Variants in SKAP1 observed in about 807,000 individuals in gnomAD.
The protein encoded by SKAP1 is src kinase associated phosphoprotein 1, also known as src kinase-associated phosphoprotein 1.
A neutral mutation model predicts 58.5 loss-of-function variants in SKAP1; 44 were observed. The ratio of observed to expected loss-of-function variants is 0.75; its 90% CI spans 0.59 to 0.97. The LOEUF (loss-of-function observed/expected upper bound fraction) is 0.97. SKAP1 is among the 50% of genes least tolerant of loss of function. The pLI, the probability that SKAP1 is intolerant of heterozygous loss-of-function variation, is 0.00. For synonymous variants in SKAP1, 127 were observed against 149.7 expected (o/e 0.85, Z 1.11); for missense variants, 390 against 435.2 (o/e 0.90, Z 0.92).
At chr17:48,159,718 T>A (rs1420743675) in intron 11 of SKAP1, among the ~76,000 whole-genome samples, 2 of 152,240 alleles carry the variant, frequency 1.3e-5, no homozygotes, top group East Asian at 3.8e-4. Context: ...GTTTTCTATC[T>A]GTTTGAATTT....
intron 4 of SKAP1, among the ~76,000 whole-genome samples, chr17:48,313,018 A>T (rs2066241992): frequency 6.6e-6 from 1 of 152,162 alleles, no homozygotes; most frequent in South Asian, 2.1e-4. Context: ...AGGTATAACT[A>T]CTTTAATTCT....
intron 2 of SKAP1, among the ~76,000 whole-genome samples, chr17:48,386,069 C>T (rs570510223): frequency 4.6e-5 from 7 of 152,102 alleles, no homozygotes; most frequent in Admixed American, 2.6e-4. Context: ...AGAGGAGACA[C>T]GTGAAGAGAT....
intron 4 of SKAP1, among the ~76,000 whole-genome samples, chr17:48,318,543 T>C (rs2066319197): frequency 6.6e-6 from 1 of 152,202 alleles, no homozygotes; most frequent in Non-Finnish European, 1.5e-5. Flanking sequence ...ATGGTTGTAT[T>C]TGTATTTGTA....
At chr17:48,352,988 CT>C (rs1292781272) in intron 3 of SKAP1, among the ~76,000 whole-genome samples, 1 of 152,098 alleles carries the variant, frequency 6.6e-6, no homozygotes, top group Admixed American at 6.5e-5. Flanking sequence ...AGTATTTTAA[CT>C]TTAATAAAGT....
chr17:48,361,657 G>A (rs1169747415), intron 3 of SKAP1, among the ~76,000 whole-genome samples: 5 of 152,184 alleles, frequency 3.3e-5, no homozygotes, highest in Non-Finnish European at 5.9e-5. Flanking sequence ...CAGATGCAGA[G>A]TTAATAAAAT....
At chr17:48,386,348 C>T (rs1028932322) in intron 2 of SKAP1, among the ~76,000 whole-genome samples, 2 of 145,332 alleles carry the variant, frequency 1.4e-5, no homozygotes, top group African/African-American at 5.1e-5. Flanking sequence ...CCATTCATGC[C>T]TTTAAGGAGC....
intron 4 of SKAP1, among the ~76,000 whole-genome samples, chr17:48,192,045 G>C (rs926851550): frequency 1.1e-4 from 16 of 152,112 alleles, no homozygotes; most frequent in Admixed American, 8.5e-4. Flanking sequence ...GCCAGGTGTG[G>C]TGGCACAAAC....
intron 11 of SKAP1, 49 bp downstream of exon 11, chr17:48,162,420 G>T: frequency 7.6e-7 from 1 of 1,311,288 alleles, no homozygotes; most frequent in Non-Finnish European, 1.1e-6. Flanking sequence ...ACTAAATCAA[G>T]AATGAAAAAA....
At chr17:48,244,341 C>A (rs1265086296) in intron 4 of SKAP1, among the ~76,000 whole-genome samples, 1 of 152,132 alleles carries the variant, frequency 6.6e-6, no homozygotes, top group African/African-American at 2.4e-5. Context: ...TCGGTGGGAA[C>A]ATCTTGAAAT....
chr17:48,201,457 C>T (rs1415588581), intron 4 of SKAP1, among the ~76,000 whole-genome samples: 1 of 152,080 alleles, frequency 6.6e-6, no homozygotes, highest in African/African-American at 2.4e-5. Context: ...TCATGGCTCA[C>T]TGCAGCCTCC....
rs746528883 is a variant in SKAP1 at position 48,180,079 on chromosome 17, T to C, written c.801A>G (p.Glu267=). 23 of 1,596,040 alleles carry C rather than the reference T, an allele frequency of 1.4e-5. No individual in the cohort carries two copies. In the South Asian group the frequency reaches 2.4e-4, roughly 17 times the overall value. ...GIKEPTEEKE[E]EDIYEVLPDE... ...CTGGCAAGACTTCATAAATATCTTC[T>C]TCTTCTTTCTCCTCTGTAGGCTCTT... The change falls in exon 9 of 13, where the codon GAA becomes GAG. Residue 267 remains glutamate (E), a synonymous_variant. Coordinates refer to ENST00000336915, the MANE Select transcript of SKAP1 (RefSeq NM_003726.4).
intron 4 of SKAP1, among the ~76,000 whole-genome samples, chr17:48,258,466 A>G (rs2065450085): frequency 6.6e-6 from 1 of 152,138 alleles, no homozygotes; most frequent in African/African-American, 2.4e-5. Flanking sequence ...TTAAAGCATG[A>G]CTGTGCAACA....
chr17:48,430,040 C>A, intron 1 of SKAP1, 35 bp downstream of exon 1: 2 of 1,262,914 alleles, frequency 1.6e-6, no homozygotes, highest in South Asian at 7.5e-5. Context: ...CGGCCTTCGG[C>A]TCAGCACTGG....
At chr17:48,301,903 C>T (rs2066062665) in intron 4 of SKAP1, among the ~76,000 whole-genome samples, 1 of 152,062 alleles carries the variant, frequency 6.6e-6, no homozygotes, top group African/African-American at 2.4e-5. Context: ...CTTTAATGAG[C>T]TTACAGAAAT....
intron 4 of SKAP1, among the ~76,000 whole-genome samples, chr17:48,342,005 AT>A (rs2066659637): frequency 6.6e-6 from 1 of 152,212 alleles, no homozygotes; most frequent in Non-Finnish European, 1.5e-5. Context: ...ACTTTAAAAA[AT>A]AATGTAGGTA....
At chr17:48,423,335 G>A (rs1324574967) in intron 1 of SKAP1, among the ~76,000 whole-genome samples, 2 of 152,176 alleles carry the variant, frequency 1.3e-5, no homozygotes, top group Non-Finnish European at 2.9e-5. Context: ...GTTGAGGGGA[G>A]GTTGAAGGAA....
chr17:48,270,089 C>T (rs1234204334), intron 4 of SKAP1, among the ~76,000 whole-genome samples: 1 of 152,042 alleles, frequency 6.6e-6, no homozygotes, highest in African/African-American at 2.4e-5. Flanking sequence ...CCAGCCTGGG[C>T]AACAAGAGCG....
At chr17:48,381,536 A>G (rs751379438) in intron 2 of SKAP1, among the ~76,000 whole-genome samples, 14 of 152,222 alleles carry the variant, frequency 9.2e-5, no homozygotes, top group Non-Finnish European at 1.3e-4. Context: ...GGGCTTTTAC[A>G]GTATTATGTA....
At chr17:48,296,148 A>C (rs2065967481) in intron 4 of SKAP1, among the ~76,000 whole-genome samples, 1 of 152,136 alleles carries the variant, frequency 6.6e-6, no homozygotes, top group East Asian at 1.9e-4. Flanking sequence ...CCAGAGATGG[A>C]GAGCCAGAGC....
Sources: gnomAD v4.1 joint callset for allele counts (sites outside exome capture counted in the v4.1 genomes callset) on GRCh38, gnomAD v4.1.1 for gene constraint, MANE v1.5 for transcripts, NCBI Gene and HGNC (gene_info 2026-07-23, HGNC 2026-07-21) for gene names.